Variants in NUDT6 observed in about 807,000 individuals in gnomAD.
NUDT6 encodes the protein nudix hydrolase 6, also known as FAD diphosphatase NUDT6.
In NUDT6, 24 loss-of-function variants were observed where a neutral mutation model predicts 36.8. The ratio of observed to expected loss-of-function variants is 0.65; its 90% CI spans 0.47 to 0.92. The LOEUF (loss-of-function observed/expected upper bound fraction) is 0.92. Among genes scored for constraint, NUDT6 ranks in the 40% least tolerant of loss-of-function variants. The pLI, the probability that NUDT6 is intolerant of heterozygous loss-of-function variation, is 0.00. For synonymous variants in NUDT6, 163 were observed against 157.0 expected, an observed-to-expected ratio of 1.04 and a Z score of -0.29; for missense variants, 388 against 392.8, an observed-to-expected ratio of 0.99 and a Z score of 0.10.
chr4:122,909,504 T>TA (rs1325425544), intron 3 of NUDT6, among the ~76,000 whole-genome samples: 2 of 152,202 alleles, frequency 1.3e-5, no homozygotes, highest in Non-Finnish European at 2.9e-5. Context: ...ATTTTTTTTT[T>TA]ACCCCGAAAA....
rs762419554 is a variant in NUDT6, at chr4:122,897,640, C to T, written c.537G>A (p.Glu179=). 2.3e-5 allele frequency: 37 copies of T among 1,608,316 alleles called. No individual in the cohort carries two copies. In the African/African-American group the frequency reaches 3.5e-4, roughly 15 times the overall value. Residue 179 remains glutamate, a synonymous_variant, in exon 4 of 5, where the codon GAG becomes GAA. Transcript: ENST00000304430. The part of the protein sequence containing the change: ...NMWKFPGGLS[E]PEEDIGDTAV... The stretch of plus-strand genomic sequence containing the variant: ...GATACACACCAATATCTTCTTCAGG[C>T]TCTGACAGGCCTCCTGGAAACTTCC...
intron 4 of NUDT6, chr4:122,894,027 T>TA (rs1727273184): frequency 6.6e-6 from 1 of 152,196 alleles, no homozygotes; most frequent in Non-Finnish European, 1.5e-5. Flanking sequence ...ATTCTACTGG[T>TA]GAAAAACATG....
chr4:122,911,949 C>G (rs957469094), intron 3 of NUDT6, among the ~76,000 whole-genome samples: 3 of 152,132 alleles, frequency 2.0e-5, no homozygotes, highest in Non-Finnish European at 4.4e-5. Flanking sequence ...GAACTTTTTA[C>G]CATTATTTCT....
chr4:122,894,504 T>C (rs991701647), intron 4 of NUDT6: 2 of 152,142 alleles, frequency 1.3e-5, no homozygotes, highest in African/African-American at 4.8e-5. Context: ...GGTTGATCAC[T>C]TGAGGCTGAG....
intron 2 of NUDT6, among the ~76,000 whole-genome samples, chr4:122,915,719 T>C (rs1727825807): frequency 6.6e-6 from 1 of 152,188 alleles, no homozygotes. Context: ...ACCAATTCTG[T>C]AGTAATAACT....
Position 122,893,002 on chromosome 4 carries a change from A to G in NUDT6, c.777T>C (p.Asn259=). The G allele has an allele frequency of 6.2e-7, 1 of 1,614,100 alleles. No individual in the cohort carries two copies. The highest frequency in any genetic ancestry group is 1.1e-5 in the South Asian group (1 of 91,076). The change falls in exon 5 of 5, where the codon AAT becomes AAC. Residue 259 remains asparagine, a synonymous_variant. Transcript: ENST00000304430. ...CAACTCTGCTGGTGATGGGAGTTGT[A>G]TTTTCAGTCTTCGCCAGGTCATTGA... is the stretch of plus-strand genomic sequence containing the variant. ...MDLNDLAKTE[N]TTPITSRVAR... is the part of the protein sequence containing the mutation.
chr4:122,894,443 C>G (rs1231908426), intron 4 of NUDT6: 1 of 152,118 alleles, frequency 6.6e-6, no homozygotes, highest in Non-Finnish European at 1.5e-5. Flanking sequence ...AATAGCCAGG[C>G]ATGGTGGCGT....
Position 122,922,515 on chromosome 4 carries a change from G to A in NUDT6, c.58C>T (p.Pro20Ser), listed in dbSNP as rs1728100515. The A allele has an allele frequency of 1.9e-6, 3 of 1,608,730 alleles. No individual in the cohort carries two copies. Among genetic ancestry groups the A allele is most frequent in the Non-Finnish European group, 2.5e-6 (3 of 1,179,446 alleles). ...WRAMLARTYG[P>S]GPSAGYRWAS... ...CAGCGGTAACCCGCCGAAGGCCCGG[G>A]GCCGTAGGTTCGGGCAAGCATCGCG... is the stretch of plus-strand genomic sequence containing the variant. The change falls in exon 1 of 5, where the codon CCC (proline) becomes TCC (serine). Residue 20 changes from proline (P) to serine (S), a missense_variant. Transcript: ENST00000304430.
chr4:122,897,727 A>G, intron 3 of NUDT6, 49 bp from the exon 4 acceptor site: 2 of 1,206,408 alleles, frequency 1.7e-6, no homozygotes, highest in Non-Finnish European at 2.5e-6. Flanking sequence ...TCACTAACAC[A>G]CACATATGTA....
chr4:122,917,974 G>C (rs190868381), intron 1 of NUDT6: 4 of 407,468 alleles, frequency 9.8e-6, no homozygotes, highest in Non-Finnish European at 1.8e-5. Flanking sequence ...TGCTTGGCAC[G>C]TAACAGATGT....
At chr4:122,898,671 G>A (rs927673257) in intron 3 of NUDT6, among the ~76,000 whole-genome samples, 2 of 152,154 alleles carry the variant, frequency 1.3e-5, no homozygotes, top group Admixed American at 6.5e-5. Flanking sequence ...TGTGGGTACA[G>A]AATTCAGGCT....
chr4:122,918,666 C>G (rs1287347564), intron 1 of NUDT6: 1 of 152,204 alleles, frequency 6.6e-6, no homozygotes, highest in African/African-American at 2.4e-5. Context: ...AAGCTCCTCT[C>G]TTTAAGGACA....
chr4:122,918,865 A>G (rs1489994056), intron 1 of NUDT6: 6 of 152,220 alleles, frequency 3.9e-5, no homozygotes, highest in Non-Finnish European at 8.8e-5. Flanking sequence ...AAATGTACAA[A>G]TCTTAAGTGT....
At chr4:122,898,657 A>AT (rs1189153049) in intron 3 of NUDT6, among the ~76,000 whole-genome samples, 1 of 152,142 alleles carries the variant, frequency 6.6e-6, no homozygotes, top group East Asian at 1.9e-4. Context: ...TAGACTGTTG[A>AT]TTATGTGGGT....
chr4:122,922,513 G>C lies in NUDT6; in HGVS notation c.60C>G (p.Pro20=), dbSNP rs1419444456. The change falls in exon 1 of 5, where the codon CCC becomes CCG. Residue 20 remains proline (P), a synonymous_variant. Coordinates refer to ENST00000304430, the MANE Select transcript of NUDT6 (RefSeq NM_007083.5). The stretch of plus-strand genomic sequence containing the variant: ...CCCAGCGGTAACCCGCCGAAGGCCC[G>C]GGGCCGTAGGTTCGGGCAAGCATCG... ...WRAMLARTYG[P]GPSAGYRWAS... is the part of the protein sequence containing the mutation. 1 of 1,608,726 alleles carries C rather than the reference G, an allele frequency of 6.2e-7. No individual in the cohort carries two copies. Among genetic ancestry groups the C allele is most frequent in the South Asian group, 1.1e-5 (1 of 90,966 alleles).
At chr4:122,911,232 A>G (rs1012673293) in intron 3 of NUDT6, among the ~76,000 whole-genome samples, 5 of 152,112 alleles carry the variant, frequency 3.3e-5, no homozygotes, top group Admixed American at 1.3e-4. Context: ...GCTCCCTCTC[A>G]TTGGGCATAC....
chr4:122,922,550 C>A lies in NUDT6; in HGVS notation c.23G>T (p.Gly8Val), dbSNP rs551325026. 1.9e-6 allele frequency: 3 copies of A among 1,601,374 alleles called. No homozygotes were observed. Among genetic ancestry groups the A allele is most frequent in the Non-Finnish European group, 2.5e-6 (3 of 1,177,008 alleles). Residue 8 changes from glycine (G) to valine (V), a missense_variant, in exon 1 of 5, where the codon GGC becomes GTC. Physicochemically the swap from Gly to Val is moderately radical, Grantham distance 109. Transcript: ENST00000304430. The part of the protein sequence containing the change: MRQPLSW[G>V]RWRAMLARTY... ...TCGGGCAAGCATCGCGCGCCAGCGG[C>A]CCCAGCTCAGTGGCTGCCGCATCTC...
chr4:122,898,389 A>G (rs917014422), intron 3 of NUDT6, among the ~76,000 whole-genome samples: 2 of 152,216 alleles, frequency 1.3e-5, no homozygotes, highest in African/African-American at 4.8e-5. Flanking sequence ...TATGGCTGAC[A>G]TGATTACTTT....
chr4:122,917,392 A>G, intron 2 of NUDT6, 109 bp downstream of exon 2: 1 of 975,694 alleles, frequency 1.0e-6, no homozygotes, highest in Non-Finnish European at 1.6e-6. Context: ...TAATCATTTA[A>G]TCAAATAACT....
Sources: allele counts gnomAD v4.1 joint callset (sites outside exome capture counted in the v4.1 genomes callset), GRCh38; gene constraint gnomAD v4.1.1; transcripts MANE v1.5; gene names NCBI Gene and HGNC (gene_info 2026-07-23, HGNC 2026-07-21).